Variants in TMEM94 observed in about 807,000 individuals in gnomAD.
The protein encoded by TMEM94 is transmembrane protein 94.
TMEM94 carries 81 observed loss-of-function variants against 158.6 expected under a neutral mutation model. That is an observed-to-expected ratio of 0.51 (90% CI 0.43 to 0.61). The LOEUF is 0.61. Ranked by LOEUF, TMEM94 falls within the 20% of genes least tolerant of loss-of-function variation. The pLI is 0.00. For synonymous variants in TMEM94, 751 were observed against 730.7 expected (o/e 1.03, Z -0.45); for missense variants, 1,435 against 1,762.0 (o/e 0.81, Z 3.32).
rs148991706 is a variant in TMEM94 at position 75,491,056 on chromosome 17, T to C, written c.1136T>C (p.Leu379Pro). The change falls in exon 12 of 32, where the codon CTG (leucine) becomes CCG (proline). Residue 379 changes from leucine (L) to proline (P), a missense_variant. This residue lies in a region of TMEM94 where 1,051 missense variants were observed against 1,254.4 expected (regional missense o/e 0.84). Coordinates refer to ENST00000314256, the MANE Select transcript of TMEM94 (RefSeq NM_014738.6). This position sits in a 1 kb window ranked among gnomAD's most constrained non-coding sequence, Gnocchi z 5.1. ...YTEAVSSQEMLRCIWGHFLRV... is the reference protein window; with the variant it reads ...YTEAVSSQEMPRCIWGHFLRV... The stretch of plus-strand genomic sequence containing the variant: ...CTTCCTCTCTCCCACCAGGAAATGC[T>C]GCGCTGCATTTGGGGCCACTTCCTG... 16 of 1,609,288 alleles carry C rather than the reference T, an allele frequency of 9.9e-6. No homozygotes were observed. In the Middle Eastern group the frequency reaches 5.0e-4, roughly 50 times the overall value.
At position 75,465,669 on chromosome 17, in the gene TMEM94, A is replaced by ATC. The variant is rs1232740200; in HGVS notation, c.-106-6130_-106-6129insCT. On this transcript the variant is annotated intron_variant, in intron 1 of 31. Transcript: ENST00000314256. ...TATAAGAATTTTTATATATATATAT[A>ATC]TATATATATATTTTTTTTTAATCCC... Among the ~76,000 whole-genome samples, 8 of 82,108 alleles carry ATC rather than the reference A, an allele frequency of 9.7e-5. No homozygotes were observed. In the East Asian group the frequency reaches 2.2e-3, roughly 22 times the overall value. The allele number at this position is 82,108 out of a possible 152,430, so 53.9% of individuals were successfully genotyped here. A position where few individuals can be genotyped will look rare whatever the true frequency, so the allele number is the denominator to read the frequency against.
chr17:75,470,628 C>T (rs1371153075), intron 1 of TMEM94, among the ~76,000 whole-genome samples: 1 of 152,008 alleles, frequency 6.6e-6, no homozygotes, highest in African/African-American at 2.4e-5. Context: ...TGGCGTGAAC[C>T]CGGGAGGTGG....
At chr17:75,460,092 G>A (rs2050015614) in intron 1 of TMEM94, among the ~76,000 whole-genome samples, 1 of 152,120 alleles carries the variant, frequency 6.6e-6, no homozygotes, top group African/African-American at 2.4e-5. Flanking sequence ...GTAGGTTAAG[G>A]GCCAGATTTA....
At chr17:75,469,980 G>A (rs1186318578) in intron 1 of TMEM94, among the ~76,000 whole-genome samples, 3 of 151,966 alleles carry the variant, frequency 2.0e-5, no homozygotes, top group African/African-American at 7.2e-5. Context: ...GTCTGAGGCA[G>A]GAGAATCGCT....
chr17:75,472,183 G>T (rs2050525613), intron 2 of TMEM94, among the ~76,000 whole-genome samples: 1 of 152,208 alleles, frequency 6.6e-6, no homozygotes, highest in Non-Finnish European at 1.5e-5. Flanking sequence ...ATTTAGGCTG[G>T]CTCCAAGCCA....
At chr17:75,457,315 A>C (rs2049924516) in intron 1 of TMEM94, 1 of 152,036 alleles carries the variant, frequency 6.6e-6, no homozygotes, top group Non-Finnish European at 1.5e-5. Flanking sequence ...GGCTCCTCGG[A>C]AGCTCACCAT....
In TMEM94 at chr17:75,491,731, A is replaced by C; in HGVS notation, c.1427A>C (p.Asn476Thr). The C allele has an allele frequency of 6.2e-7, 1 of 1,613,988 alleles. No homozygotes were observed. The highest frequency in any genetic ancestry group is 8.5e-7 in the Non-Finnish European group (1 of 1,180,014). ...RDALLAGSLN[N>T]TLHLSNEQER... The stretch of plus-strand genomic sequence containing the variant: ...GCCCTCCTGGCTGGCTCCCTGAACA[A>C]CACCCTGCACCTTTCCAATGAGCAG... Residue 476 changes from asparagine (N) to threonine (T), a missense_variant, in exon 14 of 32, where the codon AAC becomes ACC. Coordinates refer to ENST00000314256, the MANE Select transcript of TMEM94 (RefSeq NM_014738.6). The surrounding 1 kb of genome is among the most constrained non-coding windows in gnomAD (Gnocchi z 5.1).
chr17:75,490,904 C>A, intron 11 of TMEM94, 145 bp from the exon 12 acceptor site: 1 of 936,768 alleles, frequency 1.1e-6, no homozygotes, highest in Non-Finnish European at 1.7e-6. Context: ...TGGACCTGTT[C>A]CCATAACGTG....
Position 75,498,310 on chromosome 17 carries a change from G to T in TMEM94, c.3625G>T (p.Val1209Phe), listed in dbSNP as rs148064514. The T allele has an allele frequency of 6.5e-4, 1,043 of 1,612,990 alleles. 5 individuals are homozygous for T. The Middle Eastern group carries it at 0.012, about 18-fold the overall frequency. The change falls in exon 28 of 32, where the codon GTC becomes TTC. Residue 1209 changes from valine to phenylalanine, a missense_variant. Physicochemically the swap from Val to Phe is conservative, Grantham distance 50. Transcript: ENST00000314256. The surrounding 1 kb of genome is among the most constrained non-coding windows in gnomAD (Gnocchi z 6.7). ...CCGCAACCTCACCAACTGCTCCTCC[G>T]TCATGCTGCCCAGGTGGGTCCCAGC... Reference protein sequence around the residue: ...RDRNLTNCSSVMLPSNDDRAP... With the variant: ...RDRNLTNCSSFMLPSNDDRAP...
At position 75,492,274 on chromosome 17, in the gene TMEM94, T is replaced by G; in HGVS notation, c.1597-200T>G. ...TGTCATGAGATATATTAATAGTCCA[T>G]AGAAGCAGACAGGAGCCCAAGAAGG... On this transcript the variant is annotated intron_variant, in intron 14 of 31. Transcript: ENST00000314256. This position sits in a 1 kb window ranked among gnomAD's most constrained non-coding sequence, Gnocchi z 4.4. 7.0e-7 allele frequency: 1 copy of G among 1,426,334 alleles called. No individual in the cohort carries two copies. The highest frequency in any genetic ancestry group is 9.1e-7 in the Non-Finnish European group (1 of 1,095,842). 88.4% of individuals were successfully genotyped at this position (1,426,334 alleles called of 1,614,324 possible).
At chr17:75,469,233 C>A (rs867634419) in intron 1 of TMEM94, among the ~76,000 whole-genome samples, 38 of 152,158 alleles carry the variant, frequency 2.5e-4, no homozygotes, top group African/African-American at 8.4e-4. Context: ...AAGTCAGTGC[C>A]TCGTTCTGGG....
chr17:75,478,686 G>T (rs1399000099), intron 2 of TMEM94, among the ~76,000 whole-genome samples: 1 of 152,196 alleles, frequency 6.6e-6, no homozygotes, highest in East Asian at 1.9e-4. Flanking sequence ...TGCCTCTCCC[G>T]AGTCAGGACT....
intron 1 of TMEM94, among the ~76,000 whole-genome samples, chr17:75,463,924 T>G (rs575700592): frequency 3.3e-4 from 50 of 152,340 alleles, no homozygotes; most frequent in Middle Eastern, 3.4e-3. Flanking sequence ...CACAGATCTA[T>G]CAATTAGTAC....
chr17:75,494,685 C>G lies in TMEM94; in HGVS notation c.2466C>G (p.Ile822Met). Residue 822 changes from isoleucine to methionine, a missense_variant, in exon 19 of 32, where the codon ATC becomes ATG. Coordinates refer to ENST00000314256, the MANE Select transcript of TMEM94 (RefSeq NM_014738.6). ...EDCMQALSGQ[I>M]FMGMVSSQYQ... Reference sequence around the variant, plus strand: ...GCATGCAGGCCCTGAGCGGCCAGATCTTCATGGGCATGGTGTCCTCCCAGT... The same window carrying G: ...GCATGCAGGCCCTGAGCGGCCAGATGTTCATGGGCATGGTGTCCTCCCAGT... 5 of 1,613,756 alleles carry G rather than the reference C, an allele frequency of 3.1e-6. No homozygotes were observed. The highest frequency in any genetic ancestry group is 4.2e-6 in the Non-Finnish European group (5 of 1,180,042).
rs1358415800 is a variant in TMEM94 at position 75,492,413 on chromosome 17, G to A, written c.1597-61G>A. ...TCCCCAGCCTTGGGAGGTGGGCAGAGCCAGTGCTGGCTTCCCCACACCCTA... is the reference window on the plus strand; with the variant it reads ...TCCCCAGCCTTGGGAGGTGGGCAGAACCAGTGCTGGCTTCCCCACACCCTA... On this transcript the variant is annotated intron_variant, in intron 14 of 31. Coordinates refer to ENST00000314256, the MANE Select transcript of TMEM94 (RefSeq NM_014738.6). The surrounding 1 kb of genome is among the most constrained non-coding windows in gnomAD (Gnocchi z 4.4). 6.6e-7 allele frequency: 1 copy of A among 1,518,822 alleles called. No individual in the cohort carries two copies. Among genetic ancestry groups the A allele is most frequent in the Non-Finnish European group, 8.8e-7 (1 of 1,131,258 alleles). The allele number at this position is 1,518,822 out of a possible 1,614,324, so 94.1% of individuals were successfully genotyped here.
intron 4 of TMEM94, 32 bp downstream of exon 4, chr17:75,486,030 C>T (rs1598386337): frequency 1.7e-5 from 1 of 57,870 alleles, no homozygotes; most frequent in Non-Finnish European, 3.9e-5. Flanking sequence ...CCCAACCTCT[C>T]CAGCTGTGCT....
chr17:75,475,419 C>T (rs1335494162), intron 2 of TMEM94, among the ~76,000 whole-genome samples: 1 of 152,242 alleles, frequency 6.6e-6, no homozygotes, highest in Non-Finnish European at 1.5e-5. Context: ...TGCTCAGGCT[C>T]CAGCTCACAC....
At chr17:75,461,626 A>G (rs1598297664) in intron 1 of TMEM94, among the ~76,000 whole-genome samples, 1 of 152,044 alleles carries the variant, frequency 6.6e-6, no homozygotes, top group African/African-American at 2.4e-5. Context: ...GAATCTAAGA[A>G]ATGTAATCCA....
chr17:75,495,123 C>G lies in TMEM94; in HGVS notation c.2728+89C>G. On this transcript the variant is annotated intron_variant, in intron 20 of 31. Transcript: ENST00000314256. This position sits in a 1 kb window ranked among gnomAD's most constrained non-coding sequence, Gnocchi z 5.6. ...CAGCCAGGAAGAGCCTCCGGAGAGC[C>G]CTCCAGTTAAGTACATTCCCTTGGG... 6.5e-7 allele frequency: 1 copy of G among 1,538,780 alleles called. No individual in the cohort carries two copies. Among genetic ancestry groups the G allele is most frequent in the South Asian group, 1.2e-5 (1 of 82,148 alleles).
Sources: gnomAD v4.1 joint callset for allele counts (sites outside exome capture counted in the v4.1 genomes callset) on GRCh38, gnomAD v4.1.1 for gene constraint, gnomAD v4.1.1 regional missense constraint, Gnocchi (gnomAD v3.1) non-coding constraint, MANE v1.5 for transcripts, NCBI Gene and HGNC (gene_info 2026-07-23, HGNC 2026-07-21) for gene names.